B3GALT1: variants seen among roughly 807,000 people sequenced by gnomAD.
The protein encoded by B3GALT1 is UDP-Gal:betaGlcNAc beta 1,3-galactosyltransferase, polypeptide 1.
In B3GALT1, 10 loss-of-function variants were observed where a neutral mutation model predicts 23.2. The observed-to-expected ratio is 0.43, with a 90% CI of 0.27 to 0.73. The LOEUF (loss-of-function observed/expected upper bound fraction) is 0.73, where lower values mean the gene tolerates loss of function less well. Among genes scored for constraint, B3GALT1 ranks in the 30% least tolerant of loss-of-function variants. The pLI is 0.21. For synonymous variants in B3GALT1, 156 were observed against 141.5 expected (o/e 1.10, Z -0.73); for missense variants, 299 against 405.4 (o/e 0.74, Z 2.25).
At chr2:167,545,541 G>GGGGAAAGTCCCCTT (rs1216679758) in intron 2 of B3GALT1, among the ~76,000 whole-genome samples, 2 of 152,246 alleles carry the variant, frequency 1.3e-5, no homozygotes, top group African/African-American at 4.8e-5. Flanking sequence ...TTTTGGCTTA[G>GGGGAAAGTCCCCTT]GGGAAAGTCC....
At chr2:167,820,721 G>A (rs1364979089) in intron 4 of B3GALT1, among the ~76,000 whole-genome samples, 2 of 152,306 alleles carry the variant, frequency 1.3e-5, no homozygotes, top group African/African-American at 2.4e-5. Flanking sequence ...AGACTATCCT[G>A]ACTATTATTA....
At chr2:167,456,521 C>T (rs1699175968) in intron 1 of B3GALT1, among the ~76,000 whole-genome samples, 1 of 152,126 alleles carries the variant, frequency 6.6e-6, no homozygotes, top group Non-Finnish European at 1.5e-5. Flanking sequence ...AACAATAAAA[C>T]TTTTAGAAGA....
intron 2 of B3GALT1, among the ~76,000 whole-genome samples, chr2:167,497,371 A>G (rs1334805803): frequency 6.6e-6 from 1 of 152,162 alleles, no homozygotes; most frequent in African/African-American, 2.4e-5. Context: ...GACAGAAGGA[A>G]AAGGAAGTGC....
intron 3 of B3GALT1, among the ~76,000 whole-genome samples, chr2:167,681,945 A>T (rs1339717081): frequency 6.6e-6 from 1 of 152,246 alleles, no homozygotes; most frequent in Non-Finnish European, 1.5e-5. Context: ...TGATGTCATT[A>T]AGGCAAATCA....
At chr2:167,340,335 A>AAAAAAAAAC (rs1553513212) in intron 1 of B3GALT1, among the ~76,000 whole-genome samples, 2 of 140,640 alleles carry the variant, frequency 1.4e-5, no homozygotes, top group Non-Finnish European at 3.1e-5. Context: ...AAAAAAAAAA[A>AAAAAAAAAC]CAGAGCTTTT....
intron 3 of B3GALT1, among the ~76,000 whole-genome samples, chr2:167,677,092 G>A (rs999502295): frequency 6.6e-6 from 1 of 152,116 alleles, no homozygotes; most frequent in African/African-American, 2.4e-5. Flanking sequence ...GAAAAAGGGG[G>A]TGTAGGTCAA....
chr2:167,439,371 A>G (rs1264345666), intron 1 of B3GALT1, among the ~76,000 whole-genome samples: 1 of 152,006 alleles, frequency 6.6e-6, no homozygotes, highest in Non-Finnish European at 1.5e-5. Context: ...TTTTCTATTC[A>G]TATTTTCCTA....
At chr2:167,709,131 G>A (rs1251881586) in intron 3 of B3GALT1, among the ~76,000 whole-genome samples, 1 of 152,188 alleles carries the variant, frequency 6.6e-6, no homozygotes, top group Non-Finnish European at 1.5e-5. Flanking sequence ...CTGAGAGGCT[G>A]CTCATCAACA....
chr2:167,850,060 A>G (rs1386526642), intron 4 of B3GALT1, among the ~76,000 whole-genome samples: 4 of 152,242 alleles, frequency 2.6e-5, no homozygotes, highest in Admixed American at 2.0e-4. Flanking sequence ...TAATTAAACT[A>G]AAGAGCTTTT....
At chr2:167,578,275 T>G (rs373824416) in intron 2 of B3GALT1, among the ~76,000 whole-genome samples, 1 of 151,932 alleles carries the variant, frequency 6.6e-6, no homozygotes, top group East Asian at 1.9e-4. Flanking sequence ...AAGAAACATT[T>G]CCTGATTACA....
intron 1 of B3GALT1, among the ~76,000 whole-genome samples, chr2:167,476,160 A>G (rs774949084): frequency 6.6e-6 from 1 of 152,150 alleles, no homozygotes; most frequent in Non-Finnish European, 1.5e-5. Context: ...CAGTATATAC[A>G]ATTCAACCCA....
At chr2:167,852,632 A>G (rs2105418596) in intron 4 of B3GALT1, among the ~76,000 whole-genome samples, 1 of 152,302 alleles carries the variant, frequency 6.6e-6, no homozygotes, top group South Asian at 2.1e-4. Flanking sequence ...TCAGAGGCAG[A>G]AATTTGCCTT....
At chr2:167,800,572 A>C (rs1328775857) in intron 3 of B3GALT1, among the ~76,000 whole-genome samples, 2 of 152,230 alleles carry the variant, frequency 1.3e-5, no homozygotes, top group Non-Finnish European at 2.9e-5. Context: ...CTATCTGCCT[A>C]GTAGTATCTG....
chr2:167,864,239 A>G (rs750188319), intron 4 of B3GALT1, among the ~76,000 whole-genome samples: 1 of 152,146 alleles, frequency 6.6e-6, no homozygotes, highest in Middle Eastern at 3.2e-3. Context: ...AATCCAAGCA[A>G]TGGAACCACA....
intron 1 of B3GALT1, among the ~76,000 whole-genome samples, chr2:167,454,330 G>A (rs1699136008): frequency 6.6e-6 from 1 of 152,188 alleles, no homozygotes. Flanking sequence ...CTGACCTGGA[G>A]AAGCCATAGT....
At chr2:167,556,086 C>T (rs999265580) in intron 2 of B3GALT1, among the ~76,000 whole-genome samples, 1 of 152,018 alleles carries the variant, frequency 6.6e-6, no homozygotes, top group East Asian at 1.9e-4. Flanking sequence ...GTGAATTGCT[C>T]TTTTTTACAA....
At chr2:167,716,633 T>C (rs1687151049) in intron 3 of B3GALT1, among the ~76,000 whole-genome samples, 1 of 152,206 alleles carries the variant, frequency 6.6e-6, no homozygotes, top group Non-Finnish European at 1.5e-5. Flanking sequence ...TTAAATACAC[T>C]CTTCTATTAT....
intron 3 of B3GALT1, among the ~76,000 whole-genome samples, chr2:167,760,230 A>G (rs1386854934): frequency 6.6e-6 from 1 of 152,234 alleles, no homozygotes; most frequent in African/African-American, 2.4e-5. Flanking sequence ...TAGGAAAACT[A>G]TACTTGTTTA....
intron 3 of B3GALT1, among the ~76,000 whole-genome samples, chr2:167,697,557 T>C (rs1323515195): frequency 6.6e-6 from 1 of 152,244 alleles, no homozygotes; most frequent in African/African-American, 2.4e-5. Flanking sequence ...CAGTGAGTCC[T>C]AGTTTATGTG....
Sources: gnomAD v4.1 joint callset for allele counts (sites outside exome capture counted in the v4.1 genomes callset) on GRCh38, gnomAD v4.1.1 for gene constraint, MANE v1.5 for transcripts, NCBI Gene and HGNC (gene_info 2026-07-23, HGNC 2026-07-21) for gene names.